The following MPDZ variants were observed in gnomAD, a reference collection of about 807,000 sequenced individuals.
The protein encoded by MPDZ is multiple PDZ domain protein.
A neutral mutation model predicts 239.1 loss-of-function variants in MPDZ; 234 were observed. The ratio of observed to expected loss-of-function variants is 0.98; its 90% CI spans 0.88 to 1.09. The LOEUF (loss-of-function observed/expected upper bound fraction) is 1.09. Ranked by LOEUF, MPDZ falls within the 50% of genes least tolerant of loss-of-function variation. The pLI, the probability that MPDZ is intolerant of heterozygous loss-of-function variation, is 0.00. For synonymous variants in MPDZ, 1,048 were observed against 881.3 expected (o/e 1.19, Z -3.35); for missense variants, 3,175 against 2,510.0 (o/e 1.26, Z -5.66).
intron 3 of MPDZ, among the ~76,000 whole-genome samples, chr9:13,236,823 T>C (rs899196004): frequency 6.6e-6 from 1 of 152,082 alleles, no homozygotes. Context: ...AAAACTTCGC[T>C]CCTACAATGA....
intron 21 of MPDZ, among the ~76,000 whole-genome samples, chr9:13,170,443 C>A (rs942498037): frequency 6.6e-6 from 1 of 152,076 alleles, no homozygotes; most frequent in African/African-American, 2.4e-5. Context: ...TAAGAAGACA[C>A]CTCTGCTTAC....
At chr9:13,259,727 C>G (rs1488412501) in intron 1 of MPDZ, among the ~76,000 whole-genome samples, 1 of 152,094 alleles carries the variant, frequency 6.6e-6, no homozygotes, top group Non-Finnish European at 1.5e-5. Flanking sequence ...ATATAGTAAC[C>G]TGGATTGGGG....
intron 34 of MPDZ, among the ~76,000 whole-genome samples, chr9:13,126,130 T>A (rs1945078026): frequency 6.6e-6 from 1 of 152,190 alleles, no homozygotes; most frequent in Non-Finnish European, 1.5e-5. Flanking sequence ...CTAATAAAAA[T>A]TACGTATTTA....
intron 12 of MPDZ, among the ~76,000 whole-genome samples, chr9:13,202,331 A>G (rs575625696): frequency 6.6e-6 from 1 of 152,258 alleles, no homozygotes; most frequent in African/African-American, 2.4e-5. Flanking sequence ...CCTGGGGAAG[A>G]TTTAAGCTGG....
chr9:13,188,064 C>T (rs1954374335), intron 17 of MPDZ, among the ~76,000 whole-genome samples: 1 of 152,152 alleles, frequency 6.6e-6, no homozygotes, highest in Non-Finnish European at 1.5e-5. Flanking sequence ...CTTGAAGCCA[C>T]TCTGACAGAG....
At chr9:13,232,583 C>G (rs1962807090) in intron 3 of MPDZ, among the ~76,000 whole-genome samples, 1 of 151,346 alleles carries the variant, frequency 6.6e-6, no homozygotes, top group Admixed American at 6.6e-5. Context: ...GAGAAAATCT[C>G]TGTATTTTAG....
At chr9:13,278,331 G>A (rs1335308836) in intron 1 of MPDZ, among the ~76,000 whole-genome samples, 1 of 152,080 alleles carries the variant, frequency 6.6e-6, no homozygotes, top group Non-Finnish European at 1.5e-5. Context: ...TTCCCAAGCG[G>A]AGCACCTCAA....
chr9:13,169,547 C>A (rs1285347037), intron 21 of MPDZ, among the ~76,000 whole-genome samples: 1 of 152,248 alleles, frequency 6.6e-6, no homozygotes, highest in East Asian at 1.9e-4. Context: ...TAAGGCAACA[C>A]CTTCTCTTGC....
chr9:13,202,592 T>A (rs1956517809), intron 12 of MPDZ, among the ~76,000 whole-genome samples: 3 of 152,174 alleles, frequency 2.0e-5, no homozygotes, highest in South Asian at 2.1e-4. Flanking sequence ...CCCCAAGTGC[T>A]TTAGCCCTCC....
chr9:13,162,536 A>T (rs1299010023), intron 23 of MPDZ, among the ~76,000 whole-genome samples, 155 bp downstream of exon 23: 1 of 151,964 alleles, frequency 6.6e-6, no homozygotes, highest in East Asian at 1.9e-4. Context: ...ATAATTACTT[A>T]TATAATTGAG....
At chr9:13,163,769 A>C (rs1459765016) in intron 22 of MPDZ, among the ~76,000 whole-genome samples, 1 of 152,196 alleles carries the variant, frequency 6.6e-6, no homozygotes, top group African/African-American at 2.4e-5. Context: ...ACAAAACCTC[A>C]GCACTGGAGG....
At chr9:13,203,585 G>A (rs989055617) in intron 12 of MPDZ, among the ~76,000 whole-genome samples, 9 of 152,118 alleles carry the variant, frequency 5.9e-5, no homozygotes, top group South Asian at 4.1e-4. Flanking sequence ...ATCTGTGGAA[G>A]AGGCAATAAT....
At chr9:13,214,888 T>A (rs1417065539) in intron 10 of MPDZ, among the ~76,000 whole-genome samples, 2 of 150,668 alleles carry the variant, frequency 1.3e-5, no homozygotes, top group Non-Finnish European at 3.0e-5. Context: ...TAGGTAGGAG[T>A]TTCACAGAAC....
At chr9:13,275,702 T>C (rs570608189) in intron 1 of MPDZ, among the ~76,000 whole-genome samples, 20 of 152,316 alleles carry the variant, frequency 1.3e-4, no homozygotes, top group African/African-American at 3.4e-4. Context: ...ACTTGGGTTA[T>C]TGGAAAGTGG....
intron 1 of MPDZ, chr9:13,274,482 A>C (rs1178801316): frequency 1.3e-5 from 2 of 152,100 alleles, no homozygotes; most frequent in African/African-American, 4.8e-5. Flanking sequence ...CACCACAGGC[A>C]GACAGGCCAG....
intron 12 of MPDZ, among the ~76,000 whole-genome samples, chr9:13,199,689 T>C (rs573692233): frequency 1.1e-4 from 17 of 152,240 alleles, no homozygotes; most frequent in Admixed American, 9.2e-4. Context: ...TGCTAGCTTG[T>C]TGAAAGATTT....
chr9:13,140,670 A>C (rs986932979), intron 27 of MPDZ, among the ~76,000 whole-genome samples: 2 of 151,952 alleles, frequency 1.3e-5, no homozygotes, highest in Non-Finnish European at 2.9e-5. Context: ...AAAATTGTAC[A>C]AACTTTCCCT....
chr9:13,154,068 C>T (rs929817924), intron 24 of MPDZ, among the ~76,000 whole-genome samples: 2 of 152,076 alleles, frequency 1.3e-5, no homozygotes, highest in African/African-American at 4.8e-5. Flanking sequence ...AGAAGAGACA[C>T]AGAGAGGTTA....
intron 26 of MPDZ, among the ~76,000 whole-genome samples, chr9:13,146,498 C>A (rs111843221): frequency 3.3e-5 from 5 of 151,946 alleles, no homozygotes; most frequent in African/African-American, 9.7e-5. Flanking sequence ...AAGTTTTAGA[C>A]GATGCGTTCA....
Sources: allele counts gnomAD v4.1 joint callset (sites outside exome capture counted in the v4.1 genomes callset), GRCh38; gene constraint gnomAD v4.1.1; transcripts MANE v1.5; gene names NCBI Gene and HGNC (gene_info 2026-07-23, HGNC 2026-07-21).